Variants in TBC1D10A observed in about 807,000 individuals in gnomAD.
TBC1D10A encodes the protein TBC1 domain family member 10A.
TBC1D10A carries 24 observed loss-of-function variants against 52.9 expected under a neutral mutation model. The ratio of observed to expected loss-of-function variants is 0.45; its 90% CI spans 0.33 to 0.64. The LOEUF is 0.64. TBC1D10A is among the 30% of genes least tolerant of loss of function. The pLI is 0.02. For synonymous variants in TBC1D10A, 278 were observed against 282.9 expected (o/e 0.98, Z 0.17); for missense variants, 602 against 687.9 (o/e 0.88, Z 1.40).
At chr22:30,321,474 C>T (rs774151388) in intron 1 of TBC1D10A, among the ~76,000 whole-genome samples, 20 of 152,250 alleles carry the variant, frequency 1.3e-4, no homozygotes, top group Non-Finnish European at 2.4e-4. Context: ...AAAACTGGCA[C>T]ACAATAAACT....
intron 1 of TBC1D10A, among the ~76,000 whole-genome samples, chr22:30,316,310 A>T (rs1334747026): frequency 1.3e-5 from 2 of 151,976 alleles, no homozygotes; most frequent in Non-Finnish European, 1.5e-5. Context: ...AAAAAGTAAG[A>T]CCCTGTCTCA....
chr22:30,320,842 G>A (rs1930636580), intron 1 of TBC1D10A, among the ~76,000 whole-genome samples: 1 of 152,240 alleles, frequency 6.6e-6, no homozygotes, highest in African/African-American at 2.4e-5. Flanking sequence ...CCATTCTGCA[G>A]GTGAGAAACT....
chr22:30,294,015 C>T lies in TBC1D10A; in HGVS notation c.801G>A (p.Pro267=), dbSNP rs377364986. Residue 267 remains proline, a synonymous_variant, in exon 7 of 9, where the codon CCG becomes CCA. Transcript: ENST00000215790. ...HKHLSRQKID[P]LLYMTEWFMC... ...TGAACCATTCTGTCATATAGAGGAG[C>T]GGGTCGATCTTCTGACGGCTGAGGT... 8 of 1,614,136 alleles carry T rather than the reference C, an allele frequency of 5.0e-6. No homozygotes were observed. Among genetic ancestry groups the T allele is most frequent in the South Asian group, 2.2e-5 (2 of 91,090 alleles).
chr22:30,293,979 G>A lies in TBC1D10A; in HGVS notation c.837C>T (p.Phe279=), dbSNP rs1930014584. 1 of 1,614,176 alleles carries A rather than the reference G, an allele frequency of 6.2e-7. No homozygotes were observed. Among genetic ancestry groups the A allele is most frequent in the Non-Finnish European group, 8.5e-7 (1 of 1,180,002 alleles). Reference sequence around the variant, plus strand: ...CAGAGCTCCAGGGCAAGGTTCGGGAGAAGGCGCACATGAACCATTCTGTCA... The same window carrying A: ...CAGAGCTCCAGGGCAAGGTTCGGGAAAAGGCGCACATGAACCATTCTGTCA... ...LYMTEWFMCA[F]SRTLPWSSVL... Residue 279 remains phenylalanine (F), a synonymous_variant, in exon 7 of 9, where the codon TTC becomes TTT. Coordinates refer to ENST00000215790, the MANE Select transcript of TBC1D10A (RefSeq NM_031937.3).
At chr22:30,301,635 C>G (rs1408741220) in intron 2 of TBC1D10A, among the ~76,000 whole-genome samples, 2 of 152,206 alleles carry the variant, frequency 1.3e-5, no homozygotes, top group African/African-American at 4.8e-5. Context: ...TAGAAACCCC[C>G]TTCAACAGTC....
chr22:30,295,560 C>T (rs888647642), intron 4 of TBC1D10A, among the ~76,000 whole-genome samples, 177 bp downstream of exon 4: 1 of 152,210 alleles, frequency 6.6e-6, no homozygotes. Context: ...AAAGCCCCCC[C>T]AGAGGTAAGA....
Position 30,292,685 on chromosome 22 carries a change from G to C in TBC1D10A, c.1217C>G (p.Pro406Arg). ...TAGGGGCAGGCGGATGGATGGTGAA[G>C]GTTGTAGGGCAGGCCGGGGACCAGG... The part of the protein sequence containing the change: ...AEPGPRPALQ[P>R]SPSIRLPLDA... The change falls in exon 9 of 9, where the codon CCT becomes CGT. Residue 406 changes from proline (P) to arginine (R), a missense_variant. Pro to Arg is a moderately radical substitution (Grantham distance 103, BLOSUM62 -2). This residue lies in a region of TBC1D10A where 265 missense variants were observed against 275.1 expected (regional missense o/e 0.96). Coordinates refer to ENST00000215790, the MANE Select transcript of TBC1D10A (RefSeq NM_031937.3). The C allele has an allele frequency of 6.2e-7, 1 of 1,609,216 alleles. No homozygotes were observed. Among genetic ancestry groups the C allele is most frequent in the Non-Finnish European group, 8.5e-7 (1 of 1,177,468 alleles).
chr22:30,293,040 G>C, intron 8 of TBC1D10A, 189 bp from the exon 9 acceptor site: 2 of 645,518 alleles, frequency 3.1e-6, no homozygotes, highest in Admixed American at 5.6e-5. Context: ...AGGTGAGCTG[G>C]ACACTTGAGA....
chr22:30,326,894 C>A lies in TBC1D10A; in HGVS notation c.-13G>T. On this transcript the variant is annotated 5_prime_UTR_variant, in exon 1 of 9. Coordinates refer to ENST00000215790, the MANE Select transcript of TBC1D10A (RefSeq NM_031937.3). ...TGCTCTTCGCCATCCCAGCCGCGCC[C>A]GCCGCCTGAGCTCCAGCGGCCACCT... 1 of 1,468,260 alleles carries A rather than the reference C, an allele frequency of 6.8e-7. No individual in the cohort carries two copies. The highest frequency in any genetic ancestry group is 9.0e-7 in the Non-Finnish European group (1 of 1,117,068). 91.0% of individuals were successfully genotyped at this position (1,468,260 alleles called of 1,614,324 possible). A position where few individuals can be genotyped will look rare whatever the true frequency, so the allele number is the denominator to read the frequency against.
chr22:30,313,550 ATTTTTTTTT>A (rs35640957), intron 1 of TBC1D10A, among the ~76,000 whole-genome samples: 7 of 42,200 alleles, frequency 1.7e-4, no homozygotes, highest in Non-Finnish European at 2.2e-4. Context: ...CGGCCAGCTA[ATTTTTTTTT>A]TTTTTTTTTT....
At chr22:30,299,301 G>T in intron 3 of TBC1D10A, 143 bp downstream of exon 3, 2 of 796,206 alleles carry the variant, frequency 2.5e-6, no homozygotes, top group Admixed American at 2.2e-5. Context: ...GGCCTGCTGG[G>T]GCCTGGGCAG....
intron 1 of TBC1D10A, among the ~76,000 whole-genome samples, chr22:30,305,984 A>C (rs1460645213): frequency 1.3e-5 from 2 of 152,226 alleles, no homozygotes; most frequent in Non-Finnish European, 2.9e-5. Context: ...TGATAAAAGC[A>C]AAGCAAGGAC....
chr22:30,299,285 C>G (rs895860806), intron 3 of TBC1D10A, 159 bp downstream of exon 3: 1 of 672,482 alleles, frequency 1.5e-6, no homozygotes, highest in Non-Finnish European at 2.6e-6. Flanking sequence ...AGGACTGGGC[C>G]GGTCTGGCCT....
Position 30,292,461 on chromosome 22 carries a change from G to C in TBC1D10A, c.1441C>G (p.Pro481Ala), listed in dbSNP as rs762638646. 32 of 1,603,816 alleles carry C rather than the reference G, an allele frequency of 2.0e-5. No individual in the cohort carries two copies. The highest frequency in any genetic ancestry group is 2.6e-5 in the Non-Finnish European group (31 of 1,174,082). The change falls in exon 9 of 9, where the codon CCT (proline) becomes GCT (alanine). Residue 481 changes from proline (P) to alanine (A), a missense_variant. Pro to Ala is a conservative substitution (Grantham distance 27). Transcript: ENST00000215790. The stretch of plus-strand genomic sequence containing the variant: ...GAGACCTGGGGAGCCAAATCCTGAG[G>C]GGCTGAGTCCTTGGGGGCTGAGTCC... ...PKDSAPKDSAPQDLAPQVSAH... is the reference protein window; with the variant it reads ...PKDSAPKDSAAQDLAPQVSAH...
At chr22:30,307,226 T>C (rs944319446) in intron 1 of TBC1D10A, among the ~76,000 whole-genome samples, 1 of 152,114 alleles carries the variant, frequency 6.6e-6, no homozygotes, top group East Asian at 1.9e-4. Flanking sequence ...TGGCCCAGTA[T>C]AAGGGACCAC....
chr22:30,304,484 C>T, intron 2 of TBC1D10A, 47 bp downstream of exon 2: 1 of 1,612,624 alleles, frequency 6.2e-7, no homozygotes. Context: ...CCTCCTCCTC[C>T]CCAAGCTGCC....
Position 30,326,789 on chromosome 22 carries a change from G to A in TBC1D10A, c.93C>T (p.Asp31=). 2 of 1,501,642 alleles carry A rather than the reference G, an allele frequency of 1.3e-6. No homozygotes were observed. The highest frequency in any genetic ancestry group is 1.8e-6 in the Non-Finnish European group (2 of 1,124,490). The allele number at this position is 1,501,642 out of a possible 1,614,324, so 93.0% of individuals were successfully genotyped here. A position where few individuals can be genotyped will look rare whatever the true frequency, so the allele number is the denominator to read the frequency against. Residue 31 remains aspartate (D), a synonymous_variant, in exon 1 of 9, where the codon GAC becomes GAT. Transcript: ENST00000215790. The part of the protein sequence containing the change: ...GTRESLAQGP[D]AATTDELSSL... ...AGCTGAGTTCGTCGGTGGTTGCGGC[G>A]TCGGGGCCCTGGGCCAGGCTCTCCC...
intron 1 of TBC1D10A, among the ~76,000 whole-genome samples, chr22:30,320,806 A>T (rs1377719172): frequency 6.6e-6 from 1 of 152,246 alleles, no homozygotes; most frequent in African/African-American, 2.4e-5. Flanking sequence ...CCTCAGAATG[A>T]TCCTGCAAAG....
At chr22:30,296,971 A>C (rs1490631144) in intron 3 of TBC1D10A, 1 of 152,280 alleles carries the variant, frequency 6.6e-6, no homozygotes, top group African/African-American at 2.4e-5. Flanking sequence ...GGGCAGCATC[A>C]GGGAAGGCCC....
Sources: allele counts gnomAD v4.1 joint callset (sites outside exome capture counted in the v4.1 genomes callset), GRCh38; gene constraint gnomAD v4.1.1; regional missense constraint gnomAD v4.1.1; transcripts MANE v1.5; gene names NCBI Gene and HGNC (gene_info 2026-07-23, HGNC 2026-07-21).